Variants in FAM107B observed in about 807,000 individuals in gnomAD.
The protein encoded by FAM107B is protein FAM107B.
In FAM107B, 21 loss-of-function variants were observed where a neutral mutation model predicts 31.5. The observed-to-expected ratio is 0.67, with a 90% CI of 0.47 to 0.96. FAM107B has a LOEUF of 0.96. Among genes scored for constraint, FAM107B ranks in the 40% least tolerant of loss-of-function variants. FAM107B has a pLI of 0.00. For missense variants in FAM107B, 452 were observed against 377.1 expected (o/e 1.20, Z -1.64); for synonymous variants, 157 against 141.5 (o/e 1.11, Z -0.78).
intron 2 of FAM107B, among the ~76,000 whole-genome samples, chr10:14,610,075 G>A (rs905587031): frequency 6.6e-6 from 1 of 152,220 alleles, no homozygotes; most frequent in African/African-American, 2.4e-5. Flanking sequence ...CGGGCACGGT[G>A]GCTCACGCCT....
intron 1 of FAM107B, among the ~76,000 whole-genome samples, chr10:14,771,425 A>G (rs2131601325): frequency 6.6e-6 from 1 of 152,348 alleles, no homozygotes; most frequent in South Asian, 2.1e-4. Context: ...ACGGTGGAGA[A>G]GTTATAGTTA....
intron 1 of FAM107B, among the ~76,000 whole-genome samples, chr10:14,696,072 AC>A (rs1164276191): frequency 1.3e-5 from 2 of 152,100 alleles, no homozygotes; most frequent in African/African-American, 4.8e-5. Context: ...TTAGTGAAAA[AC>A]CTTTCAGTTG....
chr10:14,677,538 G>A (rs915044229), intron 1 of FAM107B, among the ~76,000 whole-genome samples: 10 of 152,040 alleles, frequency 6.6e-5, no homozygotes, highest in Non-Finnish European at 7.4e-5. Flanking sequence ...GGAGAATGGC[G>A]CGAACCCGGG....
intron 2 of FAM107B, among the ~76,000 whole-genome samples, chr10:14,635,599 C>T (rs1252051207): frequency 6.6e-6 from 1 of 152,050 alleles, no homozygotes; most frequent in African/African-American, 2.4e-5. Flanking sequence ...AGGTTTCAAA[C>T]CTCCCTGGTT....
At chr10:14,562,878 T>C (rs1312420023) in intron 2 of FAM107B, among the ~76,000 whole-genome samples, 1 of 152,250 alleles carries the variant, frequency 6.6e-6, no homozygotes, top group African/African-American at 2.4e-5. Flanking sequence ...TGTTATCCCA[T>C]AGGACAAGAT....
chr10:14,774,393 G>A lies in FAM107B; in HGVS notation c.271C>T (p.Arg91Trp). 1 of 1,614,210 alleles carries A rather than the reference G, an allele frequency of 6.2e-7. No homozygotes were observed. The highest frequency in any genetic ancestry group is 8.5e-7 in the Non-Finnish European group (1 of 1,180,036). Reference protein sequence around the residue: ...THAERNGSANRNSSHRTAAQP... With the variant: ...THAERNGSANWNSSHRTAAQP... ...GCCGCAGTGCGGTGACTTGAATTCC[G>A]ATTCGCACTGCCATTTCTCTCTGCA... is the stretch of plus-strand genomic sequence containing the variant. Residue 91 changes from arginine (R) to tryptophan (W), a missense_variant, in exon 1 of 5, where the codon CGG becomes TGG. Arg to Trp is a moderately radical substitution (Grantham distance 101). Coordinates refer to ENST00000181796, the MANE Select transcript of FAM107B (RefSeq NM_031453.4).
At chr10:14,737,670 A>G (rs1856332725) in intron 1 of FAM107B, among the ~76,000 whole-genome samples, 1 of 151,902 alleles carries the variant, frequency 6.6e-6, no homozygotes, top group African/African-American at 2.4e-5. Context: ...TTCACAGGGA[A>G]ATGACCTAAG....
chr10:14,629,608 G>C (rs192268099), intron 2 of FAM107B, among the ~76,000 whole-genome samples: 5,727 of 146,292 alleles, frequency 0.039, 174 homozygotes, highest in East Asian at 0.13. Flanking sequence ...CGCCTCCCGG[G>C]TTCCAGCCAT....
intron 1 of FAM107B, among the ~76,000 whole-genome samples, chr10:14,669,527 G>A (rs1564620304): frequency 6.6e-6 from 1 of 151,880 alleles, no homozygotes; most frequent in Non-Finnish European, 1.5e-5. Context: ...GATAAATAAA[G>A]AAAATGTGGT....
intron 1 of FAM107B, among the ~76,000 whole-genome samples, chr10:14,668,494 A>C (rs939460887): frequency 3.3e-5 from 5 of 152,238 alleles, no homozygotes; most frequent in Non-Finnish European, 1.5e-5. Context: ...GTAGGTGTAC[A>C]CATTCTTGTC....
intron 1 of FAM107B, among the ~76,000 whole-genome samples, chr10:14,710,215 C>T (rs1230657214): frequency 6.6e-6 from 1 of 151,818 alleles, no homozygotes. Context: ...TTCTTGTAAA[C>T]CTAAAACTAC....
Position 14,638,918 on chromosome 10 carries a change from C to T in FAM107B, c.469+28716G>A, listed in dbSNP as rs556546997. On this transcript the variant is annotated intron_variant, in intron 2 of 4. Transcript: ENST00000181796. ...ACATTTCACCTACTTTGTCCAGGCA[C>T]GGTGGCTCACACCTGTAATCTCAAC... Among the ~76,000 whole-genome samples the T allele has an allele frequency of 3.0e-4, 46 of 152,224 alleles. No individual in the cohort carries two copies. In the South Asian group the frequency reaches 9.1e-3, roughly 30 times the overall value.
chr10:14,568,969 T>C (rs534714676), intron 2 of FAM107B, among the ~76,000 whole-genome samples: 6 of 152,288 alleles, frequency 3.9e-5, no homozygotes, highest in East Asian at 3.9e-4. Flanking sequence ...AGTGCATAGG[T>C]AGATTTTAAC....
chr10:14,680,082 T>C (rs1249725435), intron 1 of FAM107B, among the ~76,000 whole-genome samples: 1 of 152,186 alleles, frequency 6.6e-6, no homozygotes, highest in Non-Finnish European at 1.5e-5. Context: ...TCTGTCCCTC[T>C]AGAGAACCCT....
chr10:14,639,098 G>T (rs79068458), intron 2 of FAM107B, among the ~76,000 whole-genome samples: 2,771 of 152,228 alleles, frequency 0.018, 35 homozygotes, highest in Middle Eastern at 0.031. Flanking sequence ...GGGGGTTGAG[G>T]GGGGAGGATT....
At chr10:14,599,855 A>C (rs1852321525) in intron 2 of FAM107B, among the ~76,000 whole-genome samples, 1 of 14,568 alleles carries the variant, frequency 6.9e-5, no homozygotes. Context: ...TTGATCTACA[A>C]AAAAAAAAAA....
intron 1 of FAM107B, among the ~76,000 whole-genome samples, chr10:14,768,190 T>C (rs1326837524): frequency 6.6e-6 from 1 of 152,202 alleles, no homozygotes; most frequent in Non-Finnish European, 1.5e-5. Context: ...CTTGTGTTCA[T>C]GGATTAGAAA....
At chr10:14,732,503 T>C (rs1184008205) in intron 1 of FAM107B, among the ~76,000 whole-genome samples, 1 of 152,188 alleles carries the variant, frequency 6.6e-6, no homozygotes, top group Admixed American at 6.5e-5. Context: ...ATTTCTGGAC[T>C]ATTTTAGAGG....
At chr10:14,724,537 G>T (rs189257738) in intron 1 of FAM107B, among the ~76,000 whole-genome samples, 1 of 152,140 alleles carries the variant, frequency 6.6e-6, no homozygotes, top group African/African-American at 2.4e-5. Flanking sequence ...ATGGTCAAAT[G>T]GTCCACCCAC....
Sources: allele counts gnomAD v4.1 joint callset (sites outside exome capture counted in the v4.1 genomes callset), GRCh38; gene constraint gnomAD v4.1.1; transcripts MANE v1.5; gene names NCBI Gene and HGNC (gene_info 2026-07-23, HGNC 2026-07-21).